The following PZP variants were observed in gnomAD, a reference collection of about 807,000 sequenced individuals.
PZP encodes the protein PZP alpha-2-macroglobulin like.
PZP carries 150 observed loss-of-function variants against 179.8 expected under a neutral mutation model. That is an observed-to-expected ratio of 0.83 (90% CI 0.73 to 0.96). The LOEUF (loss-of-function observed/expected upper bound fraction) is 0.96, where lower values mean the gene tolerates loss of function less well. PZP is among the 40% of genes least tolerant of loss of function. PZP has a pLI of 0.00. For missense variants in PZP, 1,689 were observed against 1,764.0 expected (o/e 0.96, Z 0.76); for synonymous variants, 624 against 652.3 (o/e 0.96, Z 0.66).
At chr12:9,180,788 A>C (rs1942706659) in intron 15 of PZP, among the ~76,000 whole-genome samples, 195 bp downstream of exon 15, 1 of 152,246 alleles carries the variant, frequency 6.6e-6, no homozygotes, top group South Asian at 2.1e-4. Flanking sequence ...ACAAAAGACA[A>C]AATTGACAAA....
chr12:9,136,717 A>G, the PZP span, among the ~76,000 whole-genome samples: 1 of 152,008 alleles, frequency 6.6e-6, no homozygotes, highest in Non-Finnish European at 1.5e-5. Flanking sequence ...GATAATAGGC[A>G]TCCTGACATG....
At position 9,159,946 on chromosome 12, in the gene PZP, G is replaced by T. The variant is rs1052271168; in HGVS notation, c.3129C>A (p.Gly1043=). Reference sequence around the variant, plus strand: ...TAGATTTTCTTTCTTACCAAGTGTTGCCCTGGTTCCTGCCATATCGTTCCC... The same window carrying T: ...TAGATTTTCTTTCTTACCAAGTGTTTCCCTGGTTCCTGCCATATCGTTCCC... ...TFGERYGRNQ[G]NTWLTAFVLK... is the part of the protein sequence containing the mutation. Residue 1043 remains glycine (G), a synonymous_variant, in exon 25 of 36, where the codon GGC becomes GGA. Coordinates refer to ENST00000261336, the MANE Select transcript of PZP (RefSeq NM_002864.3). The T allele has an allele frequency of 6.2e-6, 10 of 1,611,022 alleles. No homozygotes were observed. The East Asian group carries it at 2.2e-4, about 36-fold the overall frequency.
chr12:9,160,699 G>A (rs1245430081), intron 23 of PZP, among the ~76,000 whole-genome samples: 3 of 152,142 alleles, frequency 2.0e-5, no homozygotes, highest in African/African-American at 7.2e-5. Context: ...CGGATCATGA[G>A]GTCAGGATAT....
In PZP at chr12:9,200,934, A is replaced by C; in HGVS notation, c.628T>G (p.Ser210Ala). ...GSYRVVVQTE[S>A]GGRIQHPFTV... is the part of the protein sequence containing the mutation. ...AAGGGGTGCTGTATCCTTCCACCTGATTCTGTCTGTACCACCACCCTGTAG... is the reference window on the plus strand; with the variant it reads ...AAGGGGTGCTGTATCCTTCCACCTGCTTCTGTCTGTACCACCACCCTGTAG... Residue 210 changes from serine to alanine, a missense_variant, in exon 6 of 36, where the codon TCA becomes GCA. By Grantham distance (99) the Ser-to-Ala change is moderately conservative. Transcript: ENST00000261336. 1 of 1,614,038 alleles carries C rather than the reference A, an allele frequency of 6.2e-7. No homozygotes were observed. Among genetic ancestry groups the C allele is most frequent in the Non-Finnish European group, 8.5e-7 (1 of 1,179,932 alleles).
intron 29 of PZP, 138 bp from the exon 30 acceptor site, chr12:9,153,481 T>G: frequency 1.6e-6 from 1 of 613,798 alleles, no homozygotes; most frequent in Non-Finnish European, 2.8e-6. Flanking sequence ...TTACCTTTCC[T>G]TTTTCTCTGC....
At chr12:9,192,279 G>C (rs1351596778) in intron 12 of PZP, 23 bp from the exon 13 acceptor site, 2 of 1,609,248 alleles carry the variant, frequency 1.2e-6, no homozygotes, top group African/African-American at 2.7e-5. Flanking sequence ...AACAGTGAAG[G>C]AAATTTCTTG....
Position 9,165,179 on chromosome 12 carries a change from A to C in PZP, c.2447T>G (p.Leu816Arg). 1 of 1,614,068 alleles carries C rather than the reference A, an allele frequency of 6.2e-7. No individual in the cohort carries two copies. The highest frequency in any genetic ancestry group is 1.6e-4 in the Middle Eastern group (1 of 6,062). The change falls in exon 19 of 36, where the codon CTC (leucine) becomes CGC (arginine). Residue 816 changes from leucine (L) to arginine (R), a missense_variant. By Grantham distance (102) the Leu-to-Arg change is moderately radical. Coordinates refer to ENST00000261336, the MANE Select transcript of PZP (RefSeq NM_002864.3). ...AAGGTAGTTTAGGACCGTGGCCTTGAGTGTGAAGACCTCTCCACGAATCAC... is the reference window on the plus strand; with the variant it reads ...AAGGTAGTTTAGGACCGTGGCCTTGCGTGTGAAGACCTCTCCACGAATCAC... Reference protein sequence around the residue: ...YSVIRGEVFTLKATVLNYLPK... With the variant: ...YSVIRGEVFTRKATVLNYLPK...
chr12:9,149,510 G>T, intron 35 of PZP, 51 bp downstream of exon 35: 1 of 1,530,102 alleles, frequency 6.5e-7, no homozygotes, highest in Non-Finnish European at 8.9e-7. Context: ...AGGGGCCCTT[G>T]GAGAGTGGGT....
At position 9,160,566 on chromosome 12, in the gene PZP, T is replaced by TTG. The variant is rs1941106754; in HGVS notation, c.2873-77_2873-76insCA. The TTG allele has an allele frequency of 2.3e-6, 3 of 1,307,144 alleles. No homozygotes were observed. In the Admixed American group the frequency reaches 6.4e-5, roughly 28 times the overall value. 81.0% of individuals were successfully genotyped at this position (1,307,144 alleles called of 1,614,324 possible). A position where few individuals can be genotyped will look rare whatever the true frequency, so the allele number is the denominator to read the frequency against. ...CCAACATTATTAACAAAAATGGCCT[T>TTG]TATATTCAGAGTCTATCATTTAGGT... is the stretch of plus-strand genomic sequence containing the variant. On this transcript the variant is annotated intron_variant, in intron 23 of 35. Transcript: ENST00000261336.
chr12:9,157,657 C>T (rs907818130), intron 27 of PZP, 110 bp downstream of exon 27: 17 of 972,736 alleles, frequency 1.7e-5, no homozygotes, highest in Non-Finnish European at 2.5e-5. Context: ...CTGAGAAATC[C>T]CTCATCATTG....
intron 21 of PZP, among the ~76,000 whole-genome samples, chr12:9,163,410 A>C (rs1313642740): frequency 1.3e-5 from 2 of 151,528 alleles, no homozygotes. Flanking sequence ...CCGAGATCGC[A>C]ACACTGCACT....
chr12:9,180,455 T>G (rs1387945381), intron 15 of PZP, among the ~76,000 whole-genome samples: 1 of 152,132 alleles, frequency 6.6e-6, no homozygotes, highest in African/African-American at 2.4e-5. Context: ...AACAGAGATA[T>G]AGATCAATGG....
chr12:9,192,569 G>C lies in PZP; in HGVS notation c.1425C>G (p.His475Gln), dbSNP rs1390842233. The change falls in exon 12 of 36, where the codon CAC (histidine) becomes CAG (glutamine). Residue 475 changes from histidine (H) to glutamine (Q), a missense_variant. His to Gln is a conservative substitution (Grantham distance 24). Transcript: ENST00000261336. ...PCGHTETITA[H>Q]YTLNRQAMGE... ...CCATGGCCTGTCTATTCAGTGTATA[G>C]TGTGCCGTGATAGTCTCCGTGTGGC... 6.2e-7 allele frequency: 1 copy of C among 1,614,204 alleles called. No individual in the cohort carries two copies. The highest frequency in any genetic ancestry group is 1.3e-5 in the African/African-American group (1 of 75,036).
chr12:9,179,147 G>A (rs1176026612), intron 15 of PZP, among the ~76,000 whole-genome samples: 1 of 151,986 alleles, frequency 6.6e-6, no homozygotes, highest in African/African-American at 2.4e-5. Context: ...TTCCAAACAC[G>A]AGTAATCTAG....
At chr12:9,200,091 A>T (rs1316452199) in intron 7 of PZP, among the ~76,000 whole-genome samples, 1 of 152,224 alleles carries the variant, frequency 6.6e-6, no homozygotes, top group Admixed American at 6.5e-5. Flanking sequence ...ATGTACAGAA[A>T]AATATCATGA....
intron 2 of PZP, among the ~76,000 whole-genome samples, chr12:9,203,085 C>A (rs931667073): frequency 5.3e-5 from 8 of 152,092 alleles, no homozygotes; most frequent in Non-Finnish European, 1.0e-4. Context: ...AATTATGTTG[C>A]ATGCAAAGTT....
At chr12:9,174,125 C>A (rs1942196197) in intron 15 of PZP, among the ~76,000 whole-genome samples, 1 of 152,150 alleles carries the variant, frequency 6.6e-6, no homozygotes. Context: ...AAAGCTTATC[C>A]ACCACAACCA....
At chr12:9,175,890 G>T (rs1942331040) in intron 15 of PZP, among the ~76,000 whole-genome samples, 1 of 152,186 alleles carries the variant, frequency 6.6e-6, no homozygotes, top group Non-Finnish European at 1.5e-5. Context: ...CACTGTGGAA[G>T]AAAGTGTGGT....
chr12:9,181,975 CT>C lies in PZP; in HGVS notation c.1688del (p.Lys563ArgfsTer4), dbSNP rs780314731. On this transcript the variant is annotated frameshift_variant and splice_region_variant, in exon 14 of 36. Transcript: ENST00000261336. LOFTEE classifies it high-confidence loss of function. ...KFEIENCLAN[K>X]VDLSFSPAQS... ...TTTAATTTTATGTTAAATCGCTCAC[CT>C]TGTTGGCTAGACAGTTTTCAATCTC... is the stretch of plus-strand genomic sequence containing the variant. 7.4e-6 allele frequency: 12 copies of C among 1,612,316 alleles called. No individual in the cohort carries two copies. In the African/African-American group the frequency reaches 1.6e-4, roughly 22 times the overall value.
Sources: gnomAD v4.1 joint callset for allele counts (sites outside exome capture counted in the v4.1 genomes callset) on GRCh38, gnomAD v4.1.1 for gene constraint, MANE v1.5 for transcripts, NCBI Gene and HGNC (gene_info 2026-07-23, HGNC 2026-07-21) for gene names.